PPFIBP2: variants seen among roughly 807,000 people sequenced by gnomAD.
The protein encoded by PPFIBP2 is PPFIB scaffold protein 2, also known as liprin-beta-2.
PPFIBP2 carries 118 observed loss-of-function variants against 118.3 expected under a neutral mutation model. The observed-to-expected ratio is 1.00, with a 90% confidence interval of 0.86 to 1.16. The LOEUF (loss-of-function observed/expected upper bound fraction) is 1.16, where lower values mean the gene tolerates loss of function less well. Among genes scored for constraint, PPFIBP2 ranks in the 50% most tolerant of loss-of-function variants. The pLI is 0.00. For synonymous variants in PPFIBP2, 414 were observed against 397.4 expected (o/e 1.04, Z -0.50); for missense variants, 1,195 against 1,073.1 (o/e 1.11, Z -1.59).
At chr11:7,660,569 TTGCA>T (rs1854868773), downstream of PPFIBP2, among the ~76,000 whole-genome samples, 1 of 150,594 alleles carries the variant, frequency 6.6e-6, no homozygotes, top group South Asian at 2.1e-4. Context: ...TTGAGGATTT[TTGCA>T]TCAATGTTCA....
At position 7,593,561 on chromosome 11, in the gene PPFIBP2, G is replaced by T. The variant is rs148739926; in HGVS notation, c.372+337G>T. ...TGTCCCCCAGAAGCTCCTGAGTCTTGCGAGGGAGGGGAGATATATCCTCAT... is the reference window on the plus strand; with the variant it reads ...TGTCCCCCAGAAGCTCCTGAGTCTTTCGAGGGAGGGGAGATATATCCTCAT... On this transcript the variant is annotated intron_variant, in intron 4 of 23. Coordinates refer to ENST00000299492, the MANE Select transcript of PPFIBP2 (RefSeq NM_003621.5). Among the ~76,000 whole-genome samples the T allele has an allele frequency of 8.4e-3, 1,275 of 152,274 alleles. 45 individuals carry two copies. The highest frequency in any genetic ancestry group is 0.059 in the Admixed American group (905 of 15,296).
At chr11:7,649,730 A>G (rs1226701831) in intron 21 of PPFIBP2, 76 bp downstream of exon 21, 8 of 1,578,094 alleles carry the variant, frequency 5.1e-6, no homozygotes, top group Non-Finnish European at 6.9e-6. Context: ...GCAAACAAGA[A>G]TGACATCATA....
chr11:7,617,411 T>C (rs1330112334), intron 6 of PPFIBP2: 2 of 605,320 alleles, frequency 3.3e-6, no homozygotes, highest in Non-Finnish European at 4.1e-6. Flanking sequence ...GATCTGTTGT[T>C]ACCTCTGGGC....
intron 1 of PPFIBP2, among the ~76,000 whole-genome samples, chr11:7,529,848 G>C (rs1010814899): frequency 6.6e-6 from 1 of 152,204 alleles, no homozygotes; most frequent in African/African-American, 2.4e-5. Context: ...AAGAGTGGCC[G>C]TGTGATCCCT....
At chr11:7,574,558 C>T (rs118177865) in intron 3 of PPFIBP2, among the ~76,000 whole-genome samples, 483 of 152,272 alleles carry the variant, frequency 3.2e-3, no homozygotes, top group Non-Finnish European at 4.6e-3. Context: ...ATATATTTGA[C>T]GAACATATTT....
intron 16 of PPFIBP2, chr11:7,641,882 C>G (rs1590763057): frequency 2.0e-6 from 1 of 501,822 alleles, no homozygotes; most frequent in East Asian, 3.5e-5. Context: ...AACATAATCT[C>G]TGCAGCTTAT....
rs536858006 is a variant in PPFIBP2, at chr11:7,651,769, G to A, written c.2361G>A (p.Pro787=). Residue 787 remains proline, a synonymous_variant, in exon 23 of 24, where the codon CCG becomes CCA. Transcript: ENST00000299492. ...CCAAGTTCAATGCCTTGATTGGTCC[G>A]GAGGCTGAACAGGAGAAGCGAGAGA... The part of the protein sequence containing the change: ...LTTKFNALIG[P]EAEQEKREKM... 43 of 1,614,084 alleles carry A rather than the reference G, an allele frequency of 2.7e-5. No individual in the cohort carries two copies. In the East Asian group the frequency reaches 4.2e-4, roughly 16 times the overall value.
At chr11:7,586,554 T>C (rs1419519954) in intron 3 of PPFIBP2, among the ~76,000 whole-genome samples, 1 of 152,222 alleles carries the variant, frequency 6.6e-6, no homozygotes, top group Non-Finnish European at 1.5e-5. Flanking sequence ...CTGACCTAAC[T>C]TGACCCTTTC....
intron 1 of PPFIBP2, among the ~76,000 whole-genome samples, chr11:7,522,619 G>A (rs1849857394): frequency 6.6e-6 from 1 of 152,180 alleles, no homozygotes; most frequent in Non-Finnish European, 1.5e-5. Flanking sequence ...AATGAAAAAT[G>A]GGAATGAGAC....
At chr11:7,572,986 A>G (rs1855821979) in intron 3 of PPFIBP2, among the ~76,000 whole-genome samples, 1 of 152,174 alleles carries the variant, frequency 6.6e-6, no homozygotes, top group Non-Finnish European at 1.5e-5. Context: ...CACCAGGTTG[A>G]CGAGGCTGAT....
chr11:7,624,949 G>A (rs189935024), intron 7 of PPFIBP2, among the ~76,000 whole-genome samples: 9 of 152,208 alleles, frequency 5.9e-5, no homozygotes, highest in Admixed American at 1.3e-4. Context: ...GTACCTCTTC[G>A]GACAGGACCT....
intron 3 of PPFIBP2, among the ~76,000 whole-genome samples, chr11:7,566,743 T>G (rs1301611980): frequency 2.0e-5 from 3 of 150,858 alleles, no homozygotes; most frequent in African/African-American, 7.4e-5. Context: ...GTACAAATTG[T>G]GGGGTACATG....
intron 1 of PPFIBP2, among the ~76,000 whole-genome samples, chr11:7,528,118 G>C (rs909096559): frequency 6.6e-6 from 1 of 152,150 alleles, no homozygotes; most frequent in Admixed American, 6.5e-5. Context: ...ACTATGTTTA[G>C]AGTCCAGATT....
downstream of PPFIBP2, among the ~76,000 whole-genome samples, chr11:7,654,311 G>A (rs1854483618): frequency 6.6e-6 from 1 of 152,192 alleles, no homozygotes; most frequent in Non-Finnish European, 1.5e-5. Context: ...TGGGACTGAG[G>A]TAGAGATGTG....
At chr11:7,666,342 C>T in the PPFIBP2 span, 1 of 715,304 alleles carries the variant, frequency 1.4e-6, no homozygotes, top group Admixed American at 2.4e-5. Context: ...GCTTAACCCC[C>T]ACATCTGGTC....
Position 7,632,816 on chromosome 11 carries a change from T to G in PPFIBP2, c.1069-51T>G, listed in dbSNP as rs376936055. ...GTGAAGCAGGGGGAAAGATGGTGGG[T>G]GGTCCCCAAACAGACTGTCCTCTAC... On this transcript the variant is annotated intron_variant, in intron 11 of 23. Transcript: ENST00000299492. 1.5e-3 allele frequency: 2,133 copies of G among 1,427,122 alleles called. 4 individuals carry two copies. Among genetic ancestry groups the G allele is most frequent in the Non-Finnish European group, 1.9e-3 (1,927 of 1,011,374 alleles). The allele number at this position is 1,427,122 out of a possible 1,614,324, so 88.4% of individuals were successfully genotyped here. A position where few individuals can be genotyped will look rare whatever the true frequency, so the allele number is the denominator to read the frequency against.
chr11:7,655,375 C>T, downstream of PPFIBP2: 1 of 1,228,154 alleles, frequency 8.1e-7, no homozygotes, highest in Non-Finnish European at 1.1e-6. Flanking sequence ...TGCATGCCAT[C>T]TCTCTGAATC....
At position 7,612,300 on chromosome 11, in the gene PPFIBP2, G is replaced by C. The variant is rs116541668; in HGVS notation, c.618+1878G>C. Among the ~76,000 whole-genome samples, 761 of 152,332 alleles carry C rather than the reference G, an allele frequency of 5.0e-3. 5 individuals carry two copies. Among genetic ancestry groups the C allele is most frequent in the African/African-American group, 0.017 (725 of 41,572 alleles). ...GCCAGGCAACTTCTGCAGTCAAAGA[G>C]GTGCTTTCTCAAAGGTTCCAGCAAA... On this transcript the variant is annotated intron_variant, in intron 6 of 23. Transcript: ENST00000299492.
At chr11:7,609,463 G>C (rs546696552) in intron 5 of PPFIBP2, among the ~76,000 whole-genome samples, 1 of 152,280 alleles carries the variant, frequency 6.6e-6, no homozygotes, top group South Asian at 2.1e-4. Context: ...TTTAGGAAAT[G>C]CTCCTGATTT....
Sources: allele counts gnomAD v4.1 joint callset (sites outside exome capture counted in the v4.1 genomes callset), GRCh38; gene constraint gnomAD v4.1.1; transcripts MANE v1.5; gene names NCBI Gene and HGNC (gene_info 2026-07-23, HGNC 2026-07-21).